CHL1: variants seen among roughly 807,000 people sequenced by gnomAD.
CHL1 encodes neural cell adhesion molecule L1-like protein.
Under a neutral mutation model 141.9 loss-of-function variants are expected in CHL1, and 96 were observed. The ratio of observed to expected loss-of-function variants is 0.68; its 90% CI spans 0.57 to 0.80. CHL1 has a LOEUF of 0.80. Ranked by LOEUF, CHL1 falls within the 30% of genes least tolerant of loss-of-function variation. CHL1 has a pLI of 0.00. For synonymous variants in CHL1, 613 were observed against 502.2 expected (o/e 1.22, Z -2.95); for missense variants, 1,820 against 1,457.2 (o/e 1.25, Z -4.05).
intron 1 of CHL1, among the ~76,000 whole-genome samples, chr3:241,506 T>C (rs6767755): frequency 0.07 from 10,686 of 152,176 alleles, 1,249 homozygotes; most frequent in African/African-American, 0.24. Context: ...GTTTGCTGAG[T>C]GTACCCTCAT....
At chr3:399,681 A>G (rs17038038) in intron 26 of CHL1, among the ~76,000 whole-genome samples, 4,569 of 152,264 alleles carry the variant, frequency 0.03, 78 homozygotes, top group African/African-American at 0.049. Context: ...AACAAGGTTG[A>G]TAACACTTCC....
intron 11 of CHL1, among the ~76,000 whole-genome samples, chr3:355,905 C>T (rs943504802): frequency 1.3e-5 from 2 of 152,146 alleles, no homozygotes; most frequent in Admixed American, 6.5e-5. Flanking sequence ...CGGGGAGTAT[C>T]ACTGACCCTC....
At chr3:224,117 C>A (rs73815905) in intron 1 of CHL1, among the ~76,000 whole-genome samples, 5,536 of 152,196 alleles carry the variant, frequency 0.036, 327 homozygotes, top group African/African-American at 0.12. Flanking sequence ...AGAGTTCAGG[C>A]CCCTCCCATA....
intron 2 of CHL1, among the ~76,000 whole-genome samples, chr3:316,000 A>C (rs1340630824): frequency 5.9e-5 from 9 of 152,046 alleles, no homozygotes; most frequent in Non-Finnish European, 1.3e-4. Flanking sequence ...TGTCTGATTT[A>C]TGCAGGGCCC....
rs73090662 is a variant in CHL1 at position 244,168 on chromosome 3, T to G, written c.-174-445T>G. Reference sequence around the variant, plus strand: ...TTCAGAGGTCTGATCTTTCAATGCTTCCTGACGAAGCTCTCCTCGTTTTGG... The same window carrying G: ...TTCAGAGGTCTGATCTTTCAATGCTGCCTGACGAAGCTCTCCTCGTTTTGG... On this transcript the variant is annotated intron_variant, in intron 1 of 27. Transcript: ENST00000256509. Among the ~76,000 whole-genome samples the G allele has an allele frequency of 5.3e-5, 8 of 152,282 alleles. No individual in the cohort carries two copies. In the East Asian group the frequency reaches 1.5e-3, roughly 29 times the overall value.
chr3:376,077 G>C lies in CHL1; in HGVS notation c.1752-1741G>C, dbSNP rs141584464. Among the ~76,000 whole-genome samples the C allele has an allele frequency of 6.6e-5, 10 of 152,338 alleles. 1 individual carries two copies. Among genetic ancestry groups the C allele is most frequent in the African/African-American group, 2.4e-4 (10 of 41,584 alleles). On this transcript the variant is annotated intron_variant, in intron 15 of 27. Transcript: ENST00000256509. Reference sequence around the variant, plus strand: ...AAAGATTGGGGCACGAAGATGTGAAGAGGTTTTTAGCTTCTTCTAAGAGTT... The same window carrying C: ...AAAGATTGGGGCACGAAGATGTGAACAGGTTTTTAGCTTCTTCTAAGAGTT...
intron 19 of CHL1, among the ~76,000 whole-genome samples, chr3:386,175 A>G (rs184148110): frequency 9.4e-5 from 14 of 148,958 alleles, no homozygotes; most frequent in East Asian, 8.1e-4. Context: ...AATAATTCCT[A>G]TCTACATGAT....
At chr3:201,256 C>A (rs867026847) in intron 1 of CHL1, among the ~76,000 whole-genome samples, 3 of 152,130 alleles carry the variant, frequency 2.0e-5, no homozygotes, top group African/African-American at 7.2e-5. Flanking sequence ...GTTTCGTTAA[C>A]GAATGTTTTA....
intron 2 of CHL1, among the ~76,000 whole-genome samples, chr3:299,920 G>A (rs116500317): frequency 9.7e-4 from 148 of 152,246 alleles, no homozygotes; most frequent in African/African-American, 3.1e-3. Context: ...CCATTCCATC[G>A]AGATTGCAGC....
intron 11 of CHL1, 110 bp downstream of exon 11, chr3:354,881 C>A: frequency 3.1e-6 from 4 of 1,292,948 alleles, no homozygotes; most frequent in Non-Finnish European, 4.3e-6. Flanking sequence ...ATTAGCAGGA[C>A]AGATACAACC....
chr3:280,957 A>G lies in CHL1; in HGVS notation c.-95+36265A>G, dbSNP rs142143735. ...CACGCACACACAACAACTGTTTGCT[A>G]CAGGATTTCTAATTAATGATATCAC... On this transcript the variant is annotated intron_variant, in intron 2 of 27. Transcript: ENST00000256509. Among the ~76,000 whole-genome samples, 792 of 152,170 alleles carry G rather than the reference A, an allele frequency of 5.2e-3. 4 individuals are homozygous for G. The highest frequency in any genetic ancestry group is 0.01 in the South Asian group (50 of 4,822).
chr3:225,422 GA>G (rs1701226111), intron 1 of CHL1, among the ~76,000 whole-genome samples: 1 of 152,180 alleles, frequency 6.6e-6, no homozygotes, highest in Non-Finnish European at 1.5e-5. Flanking sequence ...TTTGAAGTTT[GA>G]AAATGCATAC....
intron 1 of CHL1, among the ~76,000 whole-genome samples, chr3:242,690 AC>A (rs1290904196): frequency 1.9e-4 from 18 of 94,268 alleles, no homozygotes; most frequent in African/African-American, 4.8e-4. Context: ...AAACACACAC[AC>A]ACACACAGAG....
At chr3:311,814 T>C (rs954837204) in intron 2 of CHL1, among the ~76,000 whole-genome samples, 3 of 152,190 alleles carry the variant, frequency 2.0e-5, no homozygotes, top group African/African-American at 7.2e-5. Flanking sequence ...GATTTTTATT[T>C]AATTTGAAAA....
chr3:401,885 G>A (rs1029382725), intron 27 of CHL1, among the ~76,000 whole-genome samples, 187 bp downstream of exon 27: 7 of 152,168 alleles, frequency 4.6e-5, no homozygotes, highest in Non-Finnish European at 1.0e-4. Flanking sequence ...GTGTGATGAG[G>A]GTGTATAAAT....
intron 19 of CHL1, among the ~76,000 whole-genome samples, chr3:386,208 GAAAA>G (rs11359398): frequency 2.5e-5 from 3 of 120,804 alleles, no homozygotes; most frequent in African/African-American, 8.6e-5. Flanking sequence ...GACATAATTT[GAAAA>G]AAAAAAAAAA....
intron 2 of CHL1, among the ~76,000 whole-genome samples, chr3:286,980 G>A (rs191476691): frequency 7.2e-5 from 11 of 152,062 alleles, no homozygotes; most frequent in East Asian, 1.9e-4. Context: ...CTTCTTCACC[G>A]CCACCTGTTT....
intron 2 of CHL1, among the ~76,000 whole-genome samples, chr3:287,960 G>C (rs1168443986): frequency 1.3e-5 from 2 of 152,164 alleles, no homozygotes; most frequent in African/African-American, 4.8e-5. Flanking sequence ...TAGAGATGGG[G>C]TTTTACCCTG....
At chr3:333,124 A>ATTTTTTTTGTTTTTTTTTTTTTTTTTTT in intron 5 of CHL1, among the ~76,000 whole-genome samples, 1 of 83,314 alleles carries the variant, frequency 1.2e-5, no homozygotes, top group Non-Finnish European at 2.1e-5. Flanking sequence ...TAATTGCTCT[A>ATTTTTTTTGTTTTTTTTTTTTTTTTTTT]TTTTTTTTAT....
Sources: gnomAD v4.1 joint callset for allele counts (sites outside exome capture counted in the v4.1 genomes callset) on GRCh38, gnomAD v4.1.1 for gene constraint, MANE v1.5 for transcripts, NCBI Gene and HGNC (gene_info 2026-07-23, HGNC 2026-07-21) for gene names.